PGPEP1: variants seen among roughly 807,000 people sequenced by gnomAD.
The protein encoded by PGPEP1 is pyroglutamyl-peptidase I.
PGPEP1 carries 15 observed loss-of-function variants against 24.1 expected under a neutral mutation model. The observed-to-expected ratio is 0.62, with a 90% confidence interval of 0.42 to 0.96. The LOEUF is 0.96. PGPEP1 is among the 40% of genes least tolerant of loss of function. The pLI, the probability that PGPEP1 is intolerant of heterozygous loss-of-function variation, is 0.00. For missense variants in PGPEP1, 242 were observed against 273.4 expected, an observed-to-expected ratio of 0.89 and a Z score of 0.81; for synonymous variants, 122 against 116.4, an observed-to-expected ratio of 1.05 and a Z score of -0.31.
Position 18,361,686 on chromosome 19 carries a change from A to G in PGPEP1, c.438-1705A>G, listed in dbSNP as rs1191832623. 4 of 978,758 alleles carry G rather than the reference A, an allele frequency of 4.1e-6. No homozygotes were observed. In the African/African-American group the frequency reaches 5.3e-5, roughly 13 times the overall value. 60.6% of individuals were successfully genotyped at this position (978,758 alleles called of 1,614,324 possible). On this transcript the variant is annotated intron_variant, in intron 4 of 4. Coordinates refer to ENST00000269919, the MANE Select transcript of PGPEP1 (RefSeq NM_017712.4). ...AAATTCTCATTCCCTCTCTTTTTCC[A>G]TAGCGGTCCCTCTGATAAGTCAGAC...
Position 18,369,939 on chromosome 19 carries a change from T to C in PGPEP1, c.*6356T>C, listed in dbSNP as rs1971659970. On this transcript the variant is annotated 3_prime_UTR_variant, in exon 5 of 5. Coordinates refer to ENST00000269919, the MANE Select transcript of PGPEP1 (RefSeq NM_017712.4). ...ACACCACAGAAAGCAAATAAAACAC[T>C]TGAAATACGCATACATTTCCTGTGT... 6.6e-6 allele frequency: 1 copy of C among 151,936 alleles called. No homozygotes were observed. Among genetic ancestry groups the C allele is most frequent in the Non-Finnish European group, 1.5e-5 (1 of 67,992 alleles). 9.4% of individuals were successfully genotyped at this position (151,936 alleles called of 1,614,324 possible). A position where few individuals can be genotyped will look rare whatever the true frequency, so the allele number is the denominator to read the frequency against.
In PGPEP1 at chr19:18,367,065, A is replaced by C. The variant is rs922078056; in HGVS notation, c.*3482A>C. On this transcript the variant is annotated 3_prime_UTR_variant, in exon 5 of 5. Coordinates refer to ENST00000269919, the MANE Select transcript of PGPEP1 (RefSeq NM_017712.4). The stretch of plus-strand genomic sequence containing the variant: ...CAGATACTCAGGAGGCTGAGGCAGG[A>C]GGATCACCTATGCCTGGGAGGTTGA... The C allele has an allele frequency of 5.4e-5, 8 of 149,260 alleles. No individual in the cohort carries two copies. In the Admixed American group the frequency reaches 5.4e-4, roughly 10 times the overall value. The allele number at this position is 149,260 out of a possible 1,614,324, so 9.2% of individuals were successfully genotyped here. A position where few individuals can be genotyped will look rare whatever the true frequency, so the allele number is the denominator to read the frequency against.
intron 2 of PGPEP1, among the ~76,000 whole-genome samples, chr19:18,343,616 C>G (rs574827248): frequency 6.6e-5 from 10 of 150,974 alleles, no homozygotes; most frequent in Non-Finnish European, 1.5e-4. Flanking sequence ...TTCCAGGACA[C>G]AGCTGTTTAT....
rs1971584889 is a variant in PGPEP1, at chr19:18,367,433, G to A, written c.*3850G>A. The A allele has an allele frequency of 6.6e-6, 1 of 152,016 alleles. No individual in the cohort carries two copies. The highest frequency in any genetic ancestry group is 1.5e-5 in the Non-Finnish European group (1 of 68,054). 9.4% of individuals were successfully genotyped at this position (152,016 alleles called of 1,614,324 possible). On this transcript the variant is annotated 3_prime_UTR_variant, in exon 5 of 5. Coordinates refer to ENST00000269919, the MANE Select transcript of PGPEP1 (RefSeq NM_017712.4). ...GTCCTCATGGAGGGTGCTGAGGCAG[G>A]GAACAGGGGTGCAGGGACAGTGATC...
At position 18,366,113 on chromosome 19, in the gene PGPEP1, A is replaced by T. The variant is rs1259705756; in HGVS notation, c.*2530A>T. 2 of 152,168 alleles carry T rather than the reference A, an allele frequency of 1.3e-5. No homozygotes were observed. The highest frequency in any genetic ancestry group is 4.8e-5 in the African/African-American group (2 of 41,436). 9.4% of individuals were successfully genotyped at this position (152,168 alleles called of 1,614,324 possible). On this transcript the variant is annotated 3_prime_UTR_variant, in exon 5 of 5. Coordinates refer to ENST00000269919, the MANE Select transcript of PGPEP1 (RefSeq NM_017712.4). ...CAGAGGTCTGGTGGAAAGCAACTTC[A>T]GGTTTCATCTTGCTCTATTCCTCAA... is the stretch of plus-strand genomic sequence containing the variant.
chr19:18,352,184 A>G (rs992457908), intron 2 of PGPEP1, among the ~76,000 whole-genome samples: 1 of 142,508 alleles, frequency 7.0e-6, no homozygotes, highest in Non-Finnish European at 1.5e-5. Flanking sequence ...AGGCAGGAGA[A>G]TGGCGTGAAC....
At chr19:18,361,957 C>T in intron 4 of PGPEP1, 1 of 879,520 alleles carries the variant, frequency 1.1e-6, no homozygotes, top group Non-Finnish European at 1.4e-6. Context: ...CATAGGATTC[C>T]ATGGTGTGGA....
chr19:18,341,294 AC>A (rs1182598498), intron 1 of PGPEP1, among the ~76,000 whole-genome samples: 5 of 151,524 alleles, frequency 3.3e-5, no homozygotes, highest in Non-Finnish European at 5.9e-5. Flanking sequence ...TTCAGCGGAA[AC>A]CTTTTTGTGT....
chr19:18,353,567 G>A (rs185279512), intron 2 of PGPEP1, among the ~76,000 whole-genome samples: 8 of 152,002 alleles, frequency 5.3e-5, no homozygotes, highest in African/African-American at 1.5e-4. Flanking sequence ...ACTGTGTTGC[G>A]CAACCATCAT....
chr19:18,355,789 T>C (rs1328458226), intron 2 of PGPEP1, 106 bp from the exon 3 acceptor site: 1 of 727,664 alleles, frequency 1.4e-6, no homozygotes. Context: ...CTTGCCATCC[T>C]GCAGAATGAG....
chr19:18,348,789 C>T (rs923285397), intron 2 of PGPEP1, among the ~76,000 whole-genome samples: 18 of 152,080 alleles, frequency 1.2e-4, no homozygotes, highest in Admixed American at 1.2e-3. Context: ...TGGGGTCTTG[C>T]TCTGTTGCCT....
In PGPEP1 at chr19:18,360,114, C is replaced by T. The variant is rs1222661106; in HGVS notation, c.437+2499C>T. On this transcript the variant is annotated intron_variant, in intron 4 of 4. Coordinates refer to ENST00000269919, the MANE Select transcript of PGPEP1 (RefSeq NM_017712.4). ...CCATCTCCTGGGATTAAGTGATCCC[C>T]CGCCTCAGCCTCCCGAGTAGCTGGG... is the stretch of plus-strand genomic sequence containing the variant. Among the ~76,000 whole-genome samples the T allele has an allele frequency of 2.0e-5, 3 of 152,134 alleles. No individual in the cohort carries two copies. The South Asian group carries it at 6.2e-4, about 31-fold the overall frequency.
At chr19:18,349,679 C>T (rs1408040552) in intron 2 of PGPEP1, among the ~76,000 whole-genome samples, 3 of 152,158 alleles carry the variant, frequency 2.0e-5, no homozygotes, top group African/African-American at 7.2e-5. Flanking sequence ...ATAGAAGTCT[C>T]CCTCCCGTCC....
chr19:18,352,007 C>T (rs553592805), intron 2 of PGPEP1, among the ~76,000 whole-genome samples: 4 of 151,926 alleles, frequency 2.6e-5, no homozygotes, highest in African/African-American at 4.8e-5. Flanking sequence ...CGCGGTGGCT[C>T]ACGCCTGTAA....
rs1971452551 is a variant in PGPEP1 at position 18,364,123 on chromosome 19, TCTTTCTTG to T, written c.*548_*555del. 7.1e-6 allele frequency: 1 copy of T among 139,986 alleles called. No homozygotes were observed. The highest frequency in any genetic ancestry group is 1.5e-5 in the Non-Finnish European group (1 of 66,536). The allele number at this position is 139,986 out of a possible 1,614,324, so 8.7% of individuals were successfully genotyped here. ...TTCTTTCTTTCTTTCTTGCTTTCTT[TCTTTCTTG>T]CTTTCTTTCTTCTCTCTCTCTCTTT... On this transcript the variant is annotated 3_prime_UTR_variant, in exon 5 of 5. Transcript: ENST00000269919.
chr19:18,362,952 G>A (rs563384412), intron 4 of PGPEP1, among the ~76,000 whole-genome samples: 2 of 152,068 alleles, frequency 1.3e-5, no homozygotes, highest in Admixed American at 6.6e-5. Flanking sequence ...GACAACCAGC[G>A]TGCCTTCCCA....
chr19:18,361,529 C>T (rs1268863854), intron 4 of PGPEP1, among the ~76,000 whole-genome samples: 1 of 152,168 alleles, frequency 6.6e-6, no homozygotes, highest in Non-Finnish European at 1.5e-5. Context: ...AAGGGATCCT[C>T]CCACTTCAGC....
At chr19:18,352,560 CT>C (rs1012439999) in intron 2 of PGPEP1, among the ~76,000 whole-genome samples, 62 of 146,194 alleles carry the variant, frequency 4.2e-4, no homozygotes, top group African/African-American at 6.5e-4. Context: ...ATATAATTGT[CT>C]TTTTTTTTTT....
chr19:18,345,827 G>A (rs980160311), intron 2 of PGPEP1, among the ~76,000 whole-genome samples: 10 of 151,946 alleles, frequency 6.6e-5, no homozygotes, highest in East Asian at 1.9e-4. Flanking sequence ...ATCGCTTGAG[G>A]TCAGGAGTCA....
Sources: allele counts gnomAD v4.1 joint callset (sites outside exome capture counted in the v4.1 genomes callset), GRCh38; gene constraint gnomAD v4.1.1; transcripts MANE v1.5; gene names NCBI Gene and HGNC (gene_info 2026-07-23, HGNC 2026-07-21).